SUGCT: variants seen among roughly 807,000 people sequenced by gnomAD.
The protein encoded by SUGCT is succinyl-CoA:glutarate-CoA transferase, also known as succinyl-CoA:glutarate CoA-transferase.
SUGCT carries 41 observed loss-of-function variants against 55.0 expected under a neutral mutation model. The observed-to-expected ratio is 0.74, with a 90% CI of 0.58 to 0.97. SUGCT has a LOEUF of 0.97. SUGCT is among the 50% of genes least tolerant of loss of function. The pLI is 0.00. For synonymous variants in SUGCT, 187 were observed against 200.4 expected (o/e 0.93, Z 0.56); for missense variants, 568 against 547.8 (o/e 1.04, Z -0.37).
At chr7:40,438,561 A>T (rs886310675) in intron 9 of SUGCT, among the ~76,000 whole-genome samples, 29 of 152,110 alleles carry the variant, frequency 1.9e-4, no homozygotes, top group Non-Finnish European at 3.1e-4. Flanking sequence ...TTCGGGAGTA[A>T]TACAATCTGG....
At chr7:40,952,674 G>T in the SUGCT span, among the ~76,000 whole-genome samples, 1 of 152,222 alleles carries the variant, frequency 6.6e-6, no homozygotes, top group Admixed American at 6.5e-5. Flanking sequence ...CTCAGTGTTT[G>T]CTTGTCCGTA....
chr7:40,605,977 T>C (rs1372339933), intron 12 of SUGCT, among the ~76,000 whole-genome samples: 1 of 152,158 alleles, frequency 6.6e-6, no homozygotes, highest in East Asian at 1.9e-4. Flanking sequence ...TTGTCTAGCA[T>C]GCTGAGCAGA....
intron 12 of SUGCT, among the ~76,000 whole-genome samples, chr7:40,551,510 C>T (rs1795297261): frequency 1.3e-5 from 2 of 151,840 alleles, no homozygotes; most frequent in African/African-American, 4.9e-5. Context: ...CAATCTAAAA[C>T]AGACAGAAAG....
At chr7:40,218,864 C>T (rs1185057703) in intron 6 of SUGCT, among the ~76,000 whole-genome samples, 2 of 152,172 alleles carry the variant, frequency 1.3e-5, no homozygotes, top group African/African-American at 4.8e-5. Context: ...GTAAAATGGA[C>T]CAATCAGCAG....
At chr7:40,928,110 A>G in the SUGCT span, among the ~76,000 whole-genome samples, 21,313 of 151,878 alleles carry the variant, frequency 0.14, 2,464 homozygotes, top group African/African-American at 0.32. Flanking sequence ...GTTTAATTAA[A>G]TTAATTATTT....
intron 13 of SUGCT, among the ~76,000 whole-genome samples, chr7:40,813,358 T>G (rs1791515640): frequency 6.6e-6 from 1 of 152,184 alleles, no homozygotes; most frequent in South Asian, 2.1e-4. Context: ...TTTTCATATG[T>G]CTAAAAGTAC....
the SUGCT span, among the ~76,000 whole-genome samples, chr7:40,894,720 C>T: frequency 1.3e-5 from 2 of 152,152 alleles, no homozygotes; most frequent in Non-Finnish European, 2.9e-5. Context: ...TACTCAGCAT[C>T]ACTATTCATT....
At chr7:40,927,100 A>G in the SUGCT span, among the ~76,000 whole-genome samples, 1 of 152,230 alleles carries the variant, frequency 6.6e-6, no homozygotes, top group African/African-American at 2.4e-5. Flanking sequence ...AAAAAGTATT[A>G]TTTAAAAACT....
At chr7:40,541,386 A>G (rs1794670516) in intron 12 of SUGCT, among the ~76,000 whole-genome samples, 1 of 152,214 alleles carries the variant, frequency 6.6e-6, no homozygotes, top group African/African-American at 2.4e-5. Flanking sequence ...AAGATTACCT[A>G]TTCCTGTGAC....
At position 40,196,129 on chromosome 7, in the gene SUGCT, A is replaced by G. The variant is rs187305736; in HGVS notation, c.484+1069A>G. ...GAAAAGAGTGGCATAAAGTCTTCCAATTGTTCAGCCCTTGCCAGTGAACCT... is the reference window on the plus strand; with the variant it reads ...GAAAAGAGTGGCATAAAGTCTTCCAGTTGTTCAGCCCTTGCCAGTGAACCT... On this transcript the variant is annotated intron_variant, in intron 6 of 13. Transcript: ENST00000335693. Among the ~76,000 whole-genome samples the G allele has an allele frequency of 1.2e-4, 18 of 152,306 alleles. No homozygotes were observed. The East Asian group carries it at 3.3e-3, about 28-fold the overall frequency.
chr7:40,236,291 C>T (rs1789004200), intron 6 of SUGCT, among the ~76,000 whole-genome samples: 1 of 151,722 alleles, frequency 6.6e-6, no homozygotes, highest in Non-Finnish European at 1.5e-5. Flanking sequence ...CTCTTGACCG[C>T]AGGTGATCCT....
chr7:40,983,352 A>G, the SUGCT span, among the ~76,000 whole-genome samples: 1 of 152,194 alleles, frequency 6.6e-6, no homozygotes, highest in African/African-American at 2.4e-5. Context: ...TTTATCCTGT[A>G]TTGTATTACT....
At chr7:40,186,090 T>TCTTC (rs199961855) in intron 3 of SUGCT, among the ~76,000 whole-genome samples, 6,938 of 146,924 alleles carry the variant, frequency 0.047, 184 homozygotes, top group South Asian at 0.066. Context: ...TCTCTCTTTT[T>TCTTC]CTTCCTTCCT....
At chr7:40,151,203 G>A (rs897199549) in intron 1 of SUGCT, among the ~76,000 whole-genome samples, 4 of 152,336 alleles carry the variant, frequency 2.6e-5, no homozygotes, top group African/African-American at 7.2e-5. Context: ...TTGCGCCACT[G>A]CATTCCAGCC....
chr7:40,737,228 C>T (rs1787210200), intron 12 of SUGCT, among the ~76,000 whole-genome samples: 1 of 152,120 alleles, frequency 6.6e-6, no homozygotes, highest in Admixed American at 6.6e-5. Context: ...CTTTGATAAA[C>T]ACATTTGATC....
intron 7 of SUGCT, among the ~76,000 whole-genome samples, chr7:40,242,914 TATATATATATATATATATA>T (rs1429358327): frequency 4.2e-5 from 1 of 23,676 alleles, no homozygotes; most frequent in Non-Finnish European, 9.1e-5. Flanking sequence ...GGCATATATA[TATATATATATATATATATA>T]TTTTTTTTTT....
At chr7:40,902,281 T>TA in the SUGCT span, among the ~76,000 whole-genome samples, 1 of 151,910 alleles carries the variant, frequency 6.6e-6, no homozygotes, top group Admixed American at 6.6e-5. Flanking sequence ...ATTTTTCAAT[T>TA]AAAAAAATCA....
At chr7:40,858,989 C>T (rs1307865547) in intron 13 of SUGCT, among the ~76,000 whole-genome samples, 2 of 152,148 alleles carry the variant, frequency 1.3e-5, no homozygotes, top group Non-Finnish European at 2.9e-5. Flanking sequence ...GCTCAAAGCT[C>T]GTTTGCTGCT....
chr7:41,006,692 G>A, the SUGCT span, among the ~76,000 whole-genome samples: 4,007 of 152,224 alleles, frequency 0.026, 187 homozygotes, highest in African/African-American at 0.091. Context: ...TTAAGACAAC[G>A]ATAAAGACTT....
Sources: gnomAD v4.1 joint callset for allele counts (sites outside exome capture counted in the v4.1 genomes callset) on GRCh38, gnomAD v4.1.1 for gene constraint, MANE v1.5 for transcripts, NCBI Gene and HGNC (gene_info 2026-07-23, HGNC 2026-07-21) for gene names.